The following FSD1 variants were observed in gnomAD, a reference collection of about 807,000 sequenced individuals.
FSD1 encodes the protein fibronectin type III and SPRY domain containing 1.
Under a neutral mutation model 58.2 loss-of-function variants are expected in FSD1, and 23 were observed. That is an observed-to-expected ratio of 0.40 (90% confidence interval 0.28 to 0.56). The LOEUF is 0.56. Ranked by LOEUF, FSD1 falls within the 20% of genes least tolerant of loss-of-function variation. The pLI is 0.54. For missense variants in FSD1, 563 were observed against 670.8 expected (o/e 0.84, Z 1.78); for synonymous variants, 265 against 263.4 (o/e 1.01, Z -0.06).
At position 4,318,875 on chromosome 19, in the gene FSD1, T is replaced by C. The variant is rs960866217; in HGVS notation, c.963T>C (p.Gly321=). 16 of 1,613,168 alleles carry C rather than the reference T, an allele frequency of 9.9e-6. No individual in the cohort carries two copies. The highest frequency in any genetic ancestry group is 1.6e-4 in the Middle Eastern group (1 of 6,074). ...GCCCACTCCCTGCCCACCACAGAGG[T>C]ACTCCATCTCCCAAGAGGATGCCCT... ...TASPINSPAR[G]TPSPKRMPSG... Residue 321 remains glycine, a synonymous_variant, in exon 10 of 13, where the codon GGT becomes GGC. Coordinates refer to ENST00000221856, the MANE Select transcript of FSD1 (RefSeq NM_024333.3).
In FSD1 at chr19:4,310,610, G is replaced by A. The variant is rs773642001; in HGVS notation, c.490+14G>A. ...AGTTCCTGCCTGGTGAGAGGGGCAC[G>A]CACTAGAGGGCCAGGACTTCCGGGG... On this transcript the variant is annotated intron_variant, in intron 6 of 12. Transcript: ENST00000221856. 3.4e-5 allele frequency: 55 copies of A among 1,609,000 alleles called. No individual in the cohort carries two copies. The highest frequency in any genetic ancestry group is 2.7e-4 in the Admixed American group (16 of 59,838).
intron 8 of FSD1, among the ~76,000 whole-genome samples, chr19:4,317,536 A>G (rs911081778): frequency 6.6e-6 from 1 of 152,194 alleles, no homozygotes; most frequent in African/African-American, 2.4e-5. Context: ...AAAATAGATA[A>G]GTCCTCTATA....
In FSD1 at chr19:4,304,619, C is replaced by T. The variant is rs535916473; in HGVS notation, c.-128C>T. ...CTGCGCAATGCGCGCGGTGATGGAG[C>T]GCTAACCGGGGGCGCGGCGGCGGCG... On this transcript the variant is annotated 5_prime_UTR_variant, in exon 1 of 13. Transcript: ENST00000221856. The T allele has an allele frequency of 1.9e-5, 9 of 484,680 alleles. No homozygotes were observed. Among genetic ancestry groups the T allele is most frequent in the Middle Eastern group, 5.8e-4 (1 of 1,714 alleles). The allele number at this position is 484,680 out of a possible 1,614,324, so 30.0% of individuals were successfully genotyped here.
intron 10 of FSD1, 46 bp from the exon 11 acceptor site, chr19:4,322,940 A>C: frequency 1.3e-6 from 2 of 1,568,698 alleles, no homozygotes; most frequent in Non-Finnish European, 1.7e-6. Flanking sequence ...TCTGTGGCCC[A>C]GTTCTATCCA....
chr19:4,323,584 G>A lies in FSD1; in HGVS notation c.1432G>A (p.Val478Met), dbSNP rs1971731824. Residue 478 changes from valine to methionine, a missense_variant, in exon 13 of 13, where the codon GTG (valine) becomes ATG (methionine). Physicochemically the swap from Val to Met is conservative, Grantham distance 21. Transcript: ENST00000221856. This position sits in a 1 kb window ranked among gnomAD's most constrained non-coding sequence, Gnocchi z 7.7. The part of the protein sequence containing the change: ...VTTGLQVPSA[V>M]RCLQKRGSAT... The stretch of plus-strand genomic sequence containing the variant: ...GACAGGCCTGCAGGTCCCCAGTGCT[G>A]TGCGCTGCCTGCAAAAGCGAGGCAG... The A allele has an allele frequency of 1.2e-6, 2 of 1,612,992 alleles. No homozygotes were observed. The highest frequency in any genetic ancestry group is 1.7e-6 in the Non-Finnish European group (2 of 1,179,770).
rs555029951 is a variant in FSD1 at position 4,313,378 on chromosome 19, C to A, written c.700+1327C>A. Among the ~76,000 whole-genome samples, 108 of 150,348 alleles carry A rather than the reference C, an allele frequency of 7.2e-4. 2 individuals are homozygous for A. In the South Asian group the frequency reaches 0.019, roughly 26 times the overall value. On this transcript the variant is annotated intron_variant, in intron 7 of 12. Coordinates refer to ENST00000221856, the MANE Select transcript of FSD1 (RefSeq NM_024333.3). ...AGAGAAAAATAAAGAAAAAAAAAAACAAAACCCAAGGAATCCACCCAGCTG... is the reference window on the plus strand; with the variant it reads ...AGAGAAAAATAAAGAAAAAAAAAAAAAAAACCCAAGGAATCCACCCAGCTG...
chr19:4,311,735 A>G, intron 6 of FSD1, 107 bp from the exon 7 acceptor site: 1 of 941,150 alleles, frequency 1.1e-6, no homozygotes, highest in Non-Finnish European at 1.7e-6. Flanking sequence ...CTTTGTGGCC[A>G]TGCCCCCAAA....
chr19:4,316,181 C>T (rs975935671), intron 7 of FSD1, among the ~76,000 whole-genome samples: 1 of 152,108 alleles, frequency 6.6e-6, no homozygotes, highest in African/African-American at 2.4e-5. Flanking sequence ...CTCCCTCAGC[C>T]TCCTGAGTAA....
rs772592924 is a variant in FSD1, at chr19:4,305,914, A to C, written c.16-32A>C. On this transcript the variant is annotated intron_variant, in intron 1 of 12. Coordinates refer to ENST00000221856, the MANE Select transcript of FSD1 (RefSeq NM_024333.3). ...CCTGTGTGCGCACATGTGTGTGTGC[A>C]CCTGTGTGTGTCCACACTTCTGGTG... 19 of 1,529,026 alleles carry C rather than the reference A, an allele frequency of 1.2e-5. No homozygotes were observed. The Middle Eastern group carries it at 5.1e-4, about 41-fold the overall frequency. 94.7% of individuals were successfully genotyped at this position (1,529,026 alleles called of 1,614,324 possible). A position where few individuals can be genotyped will look rare whatever the true frequency, so the allele number is the denominator to read the frequency against.
rs760714400 is a variant in FSD1, at chr19:4,323,511, C to G, written c.1381-22C>G. The stretch of plus-strand genomic sequence containing the variant: ...TGGGGTTTGAAGCTGAGCCCCTCCC[C>G]CCTCCCCCCGCTGTCCCTCAGGTAT... On this transcript the variant is annotated intron_variant, in intron 12 of 12. Transcript: ENST00000221856. This position sits in a 1 kb window ranked among gnomAD's most constrained non-coding sequence, Gnocchi z 7.7. The G allele has an allele frequency of 1.5e-6, 2 of 1,311,812 alleles. No homozygotes were observed. Among genetic ancestry groups the G allele is most frequent in the African/African-American group, 2.9e-5 (2 of 69,240 alleles). 81.3% of individuals were successfully genotyped at this position (1,311,812 alleles called of 1,614,324 possible).
intron 6 of FSD1, chr19:4,311,122 G>A (rs1971686006): frequency 6.4e-6 from 1 of 156,660 alleles, no homozygotes; most frequent in Admixed American, 6.0e-5. Context: ...TGGGGGAGTG[G>A]AGTCCTCCCG....
At chr19:4,315,301 AT>A (rs1219053251) in intron 7 of FSD1, among the ~76,000 whole-genome samples, 3,641 of 79,576 alleles carry the variant, frequency 0.046, 35 homozygotes, top group Middle Eastern at 0.085. Context: ...CGCCTGGTTA[AT>A]TTTTTTTTTT....
chr19:4,306,405 C>T (rs1315769995), intron 3 of FSD1, 76 bp downstream of exon 3: 1 of 1,507,402 alleles, frequency 6.6e-7, no homozygotes, highest in Non-Finnish European at 9.1e-7. Context: ...GCACCTTCCT[C>T]CAAAAACTGG....
chr19:4,304,796 GCGTCGGGGGC>G, intron 1 of FSD1, 35 bp downstream of exon 1: 3 of 548,224 alleles, frequency 5.5e-6, no homozygotes, highest in African/African-American at 2.0e-5. Flanking sequence ...GCCCGCAGGG[GCGTCGGGGGC>G]GGGGAAGGGG....
In FSD1 at chr19:4,319,202, G is replaced by A. The variant is rs554243454; in HGVS notation, c.1039+251G>A. On this transcript the variant is annotated intron_variant, in intron 10 of 12. Transcript: ENST00000221856. ...GACAGTGCCTGGGCAGGAGCTTGGG[G>A]GCAATTTTCTGGACTCCATGGAGTA... Among the ~76,000 whole-genome samples, 7 of 152,352 alleles carry A rather than the reference G, an allele frequency of 4.6e-5. 1 individual carries two copies. In the South Asian group the frequency reaches 1.5e-3, roughly 32 times the overall value.
chr19:4,307,408 G>C (rs540263177), intron 3 of FSD1, among the ~76,000 whole-genome samples: 7 of 150,450 alleles, frequency 4.7e-5, no homozygotes, highest in Admixed American at 1.3e-4. Context: ...CTCTCTCTGT[G>C]ACCCAGGCTG....
chr19:4,306,472 CT>C (rs372460832), intron 3 of FSD1, 143 bp downstream of exon 3: 57,525 of 530,244 alleles, frequency 0.11, no homozygotes, highest in South Asian at 0.17. Context: ...TACACTCTCT[CT>C]TTTTTTTTTT....
chr19:4,321,156 C>A lies in FSD1; in HGVS notation c.1040-1830C>A, dbSNP rs1447662596. Among the ~76,000 whole-genome samples, 3 of 126,340 alleles carry A rather than the reference C, an allele frequency of 2.4e-5. No homozygotes were observed. In the East Asian group the frequency reaches 7.5e-4, roughly 31 times the overall value. The allele number at this position is 126,340 out of a possible 152,430, so 82.9% of individuals were successfully genotyped here. A position where few individuals can be genotyped will look rare whatever the true frequency, so the allele number is the denominator to read the frequency against. On this transcript the variant is annotated intron_variant, in intron 10 of 12. Transcript: ENST00000221856. ...GGGAATAGCTGGGACTGAGGAGTAT[C>A]TGGGGGGAATAGCTGGGACCTGAGG...
intron 6 of FSD1, chr19:4,311,627 T>C: frequency 1.9e-6 from 1 of 523,600 alleles, no homozygotes; most frequent in Non-Finnish European, 3.5e-6. Context: ...GAGGTTGCAG[T>C]GAGCCAAGAT....
Sources: gnomAD v4.1 joint callset for allele counts (sites outside exome capture counted in the v4.1 genomes callset) on GRCh38, gnomAD v4.1.1 for gene constraint, Gnocchi (gnomAD v3.1) non-coding constraint, MANE v1.5 for transcripts, NCBI Gene and HGNC (gene_info 2026-07-23, HGNC 2026-07-21) for gene names.